Variants in ERICH6 observed in about 807,000 individuals in gnomAD.
ERICH6 encodes the protein glutamate-rich protein 6.
A neutral mutation model predicts 71.0 loss-of-function variants in ERICH6; 71 were observed. The ratio of observed to expected loss-of-function variants is 1.00; its 90% confidence interval spans 0.83 to 1.22. ERICH6 has a LOEUF of 1.22. Ranked by LOEUF, ERICH6 falls within the 50% of genes most tolerant of loss-of-function variation. ERICH6 has a pLI of 0.00. For missense variants in ERICH6, 808 were observed against 797.2 expected, an observed-to-expected ratio of 1.01 and a Z score of -0.16; for synonymous variants, 262 against 278.4, an observed-to-expected ratio of 0.94 and a Z score of 0.59.
chr3:150,681,559 C>T (rs182737646), intron 7 of ERICH6, among the ~76,000 whole-genome samples: 2 of 152,186 alleles, frequency 1.3e-5, no homozygotes, highest in African/African-American at 2.4e-5. Context: ...TGGGTATAAA[C>T]CTAGGAATAG....
rs1711749309 is a variant in ERICH6 at position 150,678,487 on chromosome 3, A to C, written c.1179T>G (p.Asp393Glu). 1 of 1,604,002 alleles carries C rather than the reference A, an allele frequency of 6.2e-7. No homozygotes were observed. Among genetic ancestry groups the C allele is most frequent in the Non-Finnish European group, 8.5e-7 (1 of 1,177,352 alleles). ...TTAGTTGAAAATCAAATACAATGTC[A>C]TCAATTATCTGTTTTTCTGGAATAT... The part of the protein sequence containing the change: ...SVDIPEKQII[D>E]DIVFDFQLRN... The change falls in exon 10 of 14, where the codon GAT becomes GAG. Residue 393 changes from aspartate (D) to glutamate (E), a missense_variant. Asp to Glu is a conservative substitution (Grantham distance 45). Around this residue, in one of 3 missense-constraint regions of ERICH6, gnomAD observed 736 missense variants for 712.2 expected, o/e 1.03. Transcript: ENST00000295910.
intron 13 of ERICH6, among the ~76,000 whole-genome samples, chr3:150,662,469 A>G (rs949655770): frequency 6.6e-6 from 1 of 152,224 alleles, no homozygotes; most frequent in African/African-American, 2.4e-5. Flanking sequence ...TTTTGTACCA[A>G]TAAACTGTAC....
chr3:150,698,999 T>C (rs1439789810), intron 2 of ERICH6, 117 bp from the exon 3 acceptor site: 5 of 682,476 alleles, frequency 7.3e-6, no homozygotes, highest in Non-Finnish European at 1.3e-5. Context: ...TTGTTTTCTT[T>C]GAAATATTTT....
chr3:150,682,800 C>A (rs1293492023), intron 6 of ERICH6, among the ~76,000 whole-genome samples: 1 of 152,042 alleles, frequency 6.6e-6, no homozygotes, highest in Non-Finnish European at 1.5e-5. Flanking sequence ...GTACAATGAC[C>A]AACTTTCTAA....
At chr3:150,678,633 A>G in intron 9 of ERICH6, 79 bp from the exon 10 acceptor site, 1 of 1,224,590 alleles carries the variant, frequency 8.2e-7, no homozygotes, top group Non-Finnish European at 1.1e-6. Context: ...GAAATTTCAA[A>G]CCCCAATATA....
rs957699283 is a variant in ERICH6 at position 150,680,803 on chromosome 3, C to T, written c.1010G>A (p.Arg337Lys). 1.2e-6 allele frequency: 2 copies of T among 1,611,446 alleles called. No individual in the cohort carries two copies. Among genetic ancestry groups the T allele is most frequent in the African/African-American group, 1.3e-5 (1 of 74,642 alleles). ...CAGGGCTTTTTCTTTTGCCTTGAGT[C>T]TGTCGACCTCACTACCATGGGCTGC... Reference protein sequence around the residue: ...PHAAHGSEVDRLKAKEKALQR... With the variant: ...PHAAHGSEVDKLKAKEKALQR... The change falls in exon 8 of 14, where the codon AGA becomes AAA. Residue 337 changes from arginine (R) to lysine (K), a missense_variant. By Grantham distance (26) the Arg-to-Lys change is conservative. Around this residue, in one of 3 missense-constraint regions of ERICH6, gnomAD observed 736 missense variants for 712.2 expected, o/e 1.03. Transcript: ENST00000295910.
intron 1 of ERICH6, among the ~76,000 whole-genome samples, chr3:150,702,941 A>G (rs1489300062): frequency 8.0e-6 from 1 of 125,050 alleles, no homozygotes; most frequent in African/African-American, 3.0e-5. Flanking sequence ...AGAGGGAGAG[A>G]GAAAGAGAGG....
chr3:150,668,434 C>T (rs932797842), intron 12 of ERICH6, among the ~76,000 whole-genome samples: 8 of 152,070 alleles, frequency 5.3e-5, no homozygotes, highest in African/African-American at 1.4e-4. Context: ...TAGAAACCAA[C>T]GAATATTGGT....
At chr3:150,703,349 G>C in intron 1 of ERICH6, 147 bp downstream of exon 1, 1 of 1,403,606 alleles carries the variant, frequency 7.1e-7, no homozygotes, top group Non-Finnish European at 9.3e-7. Context: ...ACAAGGGCGT[G>C]AGAGAGATTA....
At chr3:150,695,876 T>A (rs1218685189) in intron 3 of ERICH6, among the ~76,000 whole-genome samples, 2 of 151,804 alleles carry the variant, frequency 1.3e-5, no homozygotes, top group Non-Finnish European at 2.9e-5. Flanking sequence ...TAAAAAGGTA[T>A]CAATTATTCA....
At chr3:150,686,377 T>C (rs767413352) in intron 3 of ERICH6, 23 bp from the exon 4 acceptor site, 5 of 1,604,080 alleles carry the variant, frequency 3.1e-6, no homozygotes, top group Admixed American at 1.7e-5. Context: ...GGTACATGTG[T>C]CATCAATCTG....
At position 150,666,829 on chromosome 3, in the gene ERICH6, T is replaced by G; in HGVS notation, c.1686A>C (p.Ala562=). 1 of 1,614,204 alleles carries G rather than the reference T, an allele frequency of 6.2e-7. No individual in the cohort carries two copies. Among genetic ancestry groups the G allele is most frequent in the Non-Finnish European group, 8.5e-7 (1 of 1,180,030 alleles). Residue 562 remains alanine (A), a synonymous_variant, in exon 13 of 14, where the codon GCA becomes GCC. Coordinates refer to ENST00000295910, the MANE Select transcript of ERICH6 (RefSeq NM_152394.5). Reference sequence around the variant, plus strand: ...CACTGATTCTTGCCTGTTGGCCCATTGCTAGAAAAGTTATAGAAATCTTGT... The same window carrying G: ...CACTGATTCTTGCCTGTTGGCCCATGGCTAGAAAAGTTATAGAAATCTTGT... ...EQDKISITFL[A]MGQQARISVG... is the part of the protein sequence containing the mutation.
Position 150,680,906 on chromosome 3 carries a change from T to A in ERICH6, c.907A>T (p.Asn303Tyr). ...TCCTCATAGATATAGTCAATCAGAT[T>A]TTGGAAAGCAATACAACAGGAGGCC... is the stretch of plus-strand genomic sequence containing the variant. Reference protein sequence around the residue: ...GHASCCIAFQNLIDYIYEEQI... With the variant: ...GHASCCIAFQYLIDYIYEEQI... Residue 303 changes from asparagine (N) to tyrosine (Y), a missense_variant, in exon 8 of 14, where the codon AAT becomes TAT. Physicochemically the swap from Asn to Tyr is moderately radical, Grantham distance 143 (BLOSUM62 -2). Transcript: ENST00000295910. 2.5e-6 allele frequency: 4 copies of A among 1,611,478 alleles called. No individual in the cohort carries two copies. Among genetic ancestry groups the A allele is most frequent in the Non-Finnish European group, 3.4e-6 (4 of 1,179,258 alleles).
At chr3:150,678,698 A>T in intron 9 of ERICH6, 144 bp from the exon 10 acceptor site, 1 of 644,462 alleles carries the variant, frequency 1.6e-6, no homozygotes. Flanking sequence ...ATCTTTAAAA[A>T]TTTTATTATT....
Position 150,665,783 on chromosome 3 carries a change from G to A in ERICH6, c.1728+1004C>T, listed in dbSNP as rs925159834. Among the ~76,000 whole-genome samples the A allele has an allele frequency of 5.5e-5, 8 of 144,776 alleles. No homozygotes were observed. In the East Asian group the frequency reaches 8.2e-4, roughly 15 times the overall value. The allele number at this position is 144,776 out of a possible 152,430, so 95.0% of individuals were successfully genotyped here. On this transcript the variant is annotated intron_variant, in intron 13 of 13. Transcript: ENST00000295910. Reference sequence around the variant, plus strand: ...GTGGAGGTTGCAGTGAGCTGAGATCGCGCCACTGTACTCCAGCCTGGAAGA... The same window carrying A: ...GTGGAGGTTGCAGTGAGCTGAGATCACGCCACTGTACTCCAGCCTGGAAGA...
intron 12 of ERICH6, among the ~76,000 whole-genome samples, chr3:150,668,153 C>T (rs1727486820): frequency 1.3e-5 from 2 of 152,108 alleles, no homozygotes; most frequent in African/African-American, 4.8e-5. Context: ...AAAATAATAT[C>T]CAGCTAAAAT....
intron 10 of ERICH6, among the ~76,000 whole-genome samples, chr3:150,677,357 T>C (rs1711699886): frequency 6.6e-6 from 1 of 152,136 alleles, no homozygotes; most frequent in Non-Finnish European, 1.5e-5. Context: ...CATACACGGA[T>C]ATTTAAGGAA....
chr3:150,675,158 T>C (rs1711606081), intron 10 of ERICH6, among the ~76,000 whole-genome samples: 1 of 152,082 alleles, frequency 6.6e-6, no homozygotes, highest in African/African-American at 2.4e-5. Flanking sequence ...GGCTAAAATA[T>C]CTCATTATGA....
At chr3:150,661,019 C>G (rs377113624) in intron 13 of ERICH6, among the ~76,000 whole-genome samples, 5 of 152,204 alleles carry the variant, frequency 3.3e-5, no homozygotes, top group African/African-American at 1.2e-4. Flanking sequence ...TGACAGAAAA[C>G]TTTTTTACAG....
Sources: allele counts gnomAD v4.1 joint callset (sites outside exome capture counted in the v4.1 genomes callset), GRCh38; gene constraint gnomAD v4.1.1; regional missense constraint gnomAD v4.1.1; transcripts MANE v1.5; gene names NCBI Gene and HGNC (gene_info 2026-07-23, HGNC 2026-07-21).